The following ADD1 variants were observed in gnomAD, a reference collection of about 807,000 sequenced individuals.
ADD1 encodes the protein alpha-adducin.
Under a neutral mutation model 80.5 loss-of-function variants are expected in ADD1, and 24 were observed. The ratio of observed to expected loss-of-function variants is 0.30; its 90% CI spans 0.22 to 0.42. ADD1 has a LOEUF of 0.42. Among genes scored for constraint, ADD1 ranks in the 10% least tolerant of loss-of-function variants. The pLI, the probability that ADD1 is intolerant of heterozygous loss-of-function variation, is 1.00. For missense variants in ADD1, 948 were observed against 1,019.0 expected (o/e 0.93, Z 0.95); for synonymous variants, 373 against 393.8 (o/e 0.95, Z 0.63).
intron 1 of ADD1, among the ~76,000 whole-genome samples, chr4:2,872,268 A>G (rs141916809): frequency 6.6e-6 from 1 of 152,344 alleles, no homozygotes; most frequent in African/African-American, 2.4e-5. Flanking sequence ...TAATTTAGCT[A>G]TCAATATATT....
Position 2,898,227 on chromosome 4 carries a change from C to T in ADD1, c.785C>T (p.Ala262Val), listed in dbSNP as rs887730609. 1.1e-5 allele frequency: 17 copies of T among 1,614,054 alleles called. No homozygotes were observed. Among genetic ancestry groups the T allele is most frequent in the Admixed American group, 1.0e-4 (6 of 60,014 alleles). Reference protein sequence around the residue: ...KCGLLPISPEALSLGEVAYHD... With the variant: ...KCGLLPISPEVLSLGEVAYHD... ...GGCCTCTTGCCAATCTCCCCGGAGG[C>T]GCTTTCCCTTGGAGAAGTGGCTTAT... Residue 262 changes from alanine to valine, a missense_variant, in exon 7 of 16, where the codon GCG (alanine) becomes GTG (valine). Physicochemically the swap from Ala to Val is moderately conservative, Grantham distance 64. Coordinates refer to ENST00000683351, the MANE Select transcript of ADD1 (RefSeq NM_001354761.2).
At chr4:2,908,767 C>G in intron 12 of ADD1, 163 bp downstream of exon 12, 1 of 653,226 alleles carries the variant, frequency 1.5e-6, no homozygotes, top group Non-Finnish European at 2.7e-6. Context: ...AGGCACTTTT[C>G]GTTGAGTTCT....
intron 1 of ADD1, among the ~76,000 whole-genome samples, chr4:2,866,898 C>T (rs1729635461): frequency 6.6e-6 from 1 of 152,074 alleles, no homozygotes; most frequent in Non-Finnish European, 1.5e-5. Flanking sequence ...TGGTGAAACC[C>T]CATCTCTACA....
At chr4:2,921,499 A>T (rs1238828921) in intron 14 of ADD1, among the ~76,000 whole-genome samples, 1 of 152,136 alleles carries the variant, frequency 6.6e-6, no homozygotes, top group Non-Finnish European at 1.5e-5. Context: ...TTCTGCAGAG[A>T]GATCTGCTGT....
intron 6 of ADD1, among the ~76,000 whole-genome samples, chr4:2,895,170 A>G (rs1234236285): frequency 1.3e-5 from 2 of 152,098 alleles, no homozygotes; most frequent in Non-Finnish European, 2.9e-5. Context: ...AGGTGGGAAG[A>G]TTTTGAGCCA....
chr4:2,928,736 T>G lies in ADD1; in HGVS notation c.*213T>G. The G allele has an allele frequency of 1.9e-6, 1 of 520,194 alleles. No homozygotes were observed. The highest frequency in any genetic ancestry group is 2.6e-5 in the South Asian group (1 of 37,834). 32.2% of individuals were successfully genotyped at this position (520,194 alleles called of 1,614,324 possible). A position where few individuals can be genotyped will look rare whatever the true frequency, so the allele number is the denominator to read the frequency against. On this transcript the variant is annotated 3_prime_UTR_variant, in exon 16 of 16. Transcript: ENST00000683351. ...CCCTGCCCCTTGTCCTCTCAGAGCC[T>G]CAGCTTCTGGGGGAGACATGCTCTC...
At position 2,898,445 on chromosome 4, in the gene ADD1, C is replaced by T. The variant is rs750443352; in HGVS notation, c.898C>T (p.Arg300Trp). The change falls in exon 8 of 16, where the codon CGG (arginine) becomes TGG (tryptophan). Residue 300 changes from arginine to tryptophan, a missense_variant. Arg to Trp is a moderately radical substitution (Grantham distance 101). Coordinates refer to ENST00000683351, the MANE Select transcript of ADD1 (RefSeq NM_001354761.2). Reference sequence around the variant, plus strand: ...TGCTTCCCCTCAGGTTCTTATTCTCCGGAACCATGGGCTCGTGTCAGTTGG... The same window carrying T: ...TGCTTCCCCTCAGGTTCTTATTCTCTGGAACCATGGGCTCGTGTCAGTTGG... Reference protein sequence around the residue: ...LGPKSKVLILRNHGLVSVGES... With the variant: ...LGPKSKVLILWNHGLVSVGES... The T allele has an allele frequency of 5.0e-6, 8 of 1,614,184 alleles. No homozygotes were observed. Among genetic ancestry groups the T allele is most frequent in the Non-Finnish European group, 6.8e-6 (8 of 1,180,032 alleles).
At chr4:2,848,317 G>A (rs1386578065) in intron 1 of ADD1, among the ~76,000 whole-genome samples, 2 of 152,090 alleles carry the variant, frequency 1.3e-5, no homozygotes, top group Non-Finnish European at 2.9e-5. Flanking sequence ...GAGGAACCTT[G>A]AGTTTAAAGG....
At chr4:2,920,208 T>C (rs187035920) in intron 14 of ADD1, among the ~76,000 whole-genome samples, 1 of 152,334 alleles carries the variant, frequency 6.6e-6, no homozygotes, top group East Asian at 1.9e-4. Context: ...GAGAGACTGT[T>C]TGTTATGATT....
Position 2,926,599 on chromosome 4 carries a change from C to T in ADD1, c.2047+487C>T. The T allele has an allele frequency of 6.2e-7, 1 of 1,610,022 alleles. No homozygotes were observed. The highest frequency in any genetic ancestry group is 8.5e-7 in the Non-Finnish European group (1 of 1,177,636). ...ATGGCTGTGACTGAATGCATAGATTCTCTCCTTGTGCTTTTTTCTCCCTGT... is the reference window on the plus strand; with the variant it reads ...ATGGCTGTGACTGAATGCATAGATTTTCTCCTTGTGCTTTTTTCTCCCTGT... On this transcript the variant is annotated intron_variant, in intron 15 of 15. Coordinates refer to ENST00000683351, the MANE Select transcript of ADD1 (RefSeq NM_001354761.2). The surrounding 1 kb of genome is among the most constrained non-coding windows in gnomAD (Gnocchi z 5.0).
chr4:2,899,617 G>A, intron 9 of ADD1, 182 bp downstream of exon 9: 1 of 701,290 alleles, frequency 1.4e-6, no homozygotes, highest in South Asian at 1.7e-5. Context: ...ATGTAGAGGT[G>A]AAGGATTCCT....
At chr4:2,885,473 C>G (rs1248547998) in intron 4 of ADD1, among the ~76,000 whole-genome samples, 1 of 152,184 alleles carries the variant, frequency 6.6e-6, no homozygotes, top group Non-Finnish European at 1.5e-5. Context: ...CACCAAATGA[C>G]CTCATCATGT....
chr4:2,879,528 C>T (rs1342400627), intron 2 of ADD1, among the ~76,000 whole-genome samples: 2 of 152,170 alleles, frequency 1.3e-5, no homozygotes, highest in African/African-American at 2.4e-5. Flanking sequence ...AGACTGAGGG[C>T]TCCTGAAGGC....
chr4:2,894,507 TC>T lies in ADD1; in HGVS notation c.592-74del, dbSNP rs1385209548. ...GCCTGGGCGACAGAGCCAGACCCTA[TC>T]AAAAAAAAAAAAAAAAAGAAAAGAA... is the stretch of plus-strand genomic sequence containing the variant. On this transcript the variant is annotated intron_variant, in intron 5 of 15. Coordinates refer to ENST00000683351, the MANE Select transcript of ADD1 (RefSeq NM_001354761.2). The T allele has an allele frequency of 2.8e-5, 27 of 957,770 alleles. No individual in the cohort carries two copies. The African/African-American group carries it at 5.1e-4, about 18-fold the overall frequency. 59.3% of individuals were successfully genotyped at this position (957,770 alleles called of 1,614,324 possible).
At chr4:2,885,262 A>C (rs541848655) in intron 4 of ADD1, among the ~76,000 whole-genome samples, 1 of 151,482 alleles carries the variant, frequency 6.6e-6, no homozygotes, top group East Asian at 1.9e-4. Context: ...CCAATCCTGT[A>C]CTCTCCCTCC....
chr4:2,877,609 A>G (rs1039270597), intron 2 of ADD1, among the ~76,000 whole-genome samples: 1 of 152,072 alleles, frequency 6.6e-6, no homozygotes, highest in African/African-American at 2.4e-5. Context: ...CTGTGGTCAG[A>G]AAGGCTGTTC....
At chr4:2,919,924 T>A (rs61791189) in intron 14 of ADD1, among the ~76,000 whole-genome samples, 3,787 of 152,302 alleles carry the variant, frequency 0.025, 76 homozygotes, top group South Asian at 0.048. Context: ...CTTTTAATTA[T>A]GATGTTAGGA....
chr4:2,923,841 A>C (rs1270693919), intron 14 of ADD1, among the ~76,000 whole-genome samples: 1 of 152,268 alleles, frequency 6.6e-6, no homozygotes, highest in Admixed American at 6.5e-5. Context: ...GCGGCTCGCG[A>C]GAACGAGGTT....
chr4:2,892,633 C>T (rs143700398), intron 4 of ADD1, among the ~76,000 whole-genome samples: 2,109 of 152,028 alleles, frequency 0.014, 51 homozygotes, highest in African/African-American at 0.047. Context: ...AGTTCAAGAC[C>T]AGCCTGGGCA....
Sources: gnomAD v4.1 joint callset for allele counts (sites outside exome capture counted in the v4.1 genomes callset) on GRCh38, gnomAD v4.1.1 for gene constraint, Gnocchi (gnomAD v3.1) non-coding constraint, MANE v1.5 for transcripts, NCBI Gene and HGNC (gene_info 2026-07-23, HGNC 2026-07-21) for gene names.